Variants in PDSS2 observed in about 807,000 individuals in gnomAD.
PDSS2 encodes decaprenyl diphosphate synthase subunit 2, also known as all trans-polyprenyl-diphosphate synthase PDSS2.
In PDSS2, 31 loss-of-function variants were observed where a neutral mutation model predicts 44.5. The ratio of observed to expected loss-of-function variants is 0.70; its 90% CI spans 0.52 to 0.94. The LOEUF is 0.94. PDSS2 is among the 40% of genes least tolerant of loss of function. The probability of loss-of-function intolerance (pLI) is 0.00; values close to 1 mark genes in which losing one functional copy is unlikely to be tolerated. For missense variants in PDSS2, 452 were observed against 482.2 expected, an observed-to-expected ratio of 0.94 and a Z score of 0.59; for synonymous variants, 157 against 180.3, an observed-to-expected ratio of 0.87 and a Z score of 1.03.
At chr6:107,433,702 T>C (rs1006587134) in intron 1 of PDSS2, among the ~76,000 whole-genome samples, 1 of 152,198 alleles carries the variant, frequency 6.6e-6, no homozygotes. Flanking sequence ...CCAGGACACT[T>C]GCCTGGGCAA....
At chr6:107,241,203 C>T (rs550505615) in intron 4 of PDSS2, among the ~76,000 whole-genome samples, 4 of 142,364 alleles carry the variant, frequency 2.8e-5, no homozygotes, top group Non-Finnish European at 4.5e-5. Context: ...GAGCTGAGAT[C>T]GCGCCACTGC....
chr6:107,407,823 C>G (rs1239021782), intron 1 of PDSS2, among the ~76,000 whole-genome samples: 1 of 149,020 alleles, frequency 6.7e-6, no homozygotes, highest in African/African-American at 2.5e-5. Context: ...CCTCAGCCTC[C>G]CAAGTAGGTG....
chr6:107,221,880 C>T (rs1773620541), intron 4 of PDSS2, among the ~76,000 whole-genome samples: 1 of 152,146 alleles, frequency 6.6e-6, no homozygotes, highest in Non-Finnish European at 1.5e-5. Context: ...CCAGCAAGAA[C>T]CTGCCAAGCC....
chr6:107,260,421 G>C lies in PDSS2; in HGVS notation c.630+13608C>G, dbSNP rs1775174404. On this transcript the variant is annotated intron_variant, in intron 3 of 7. Coordinates refer to ENST00000369037, the MANE Select transcript of PDSS2 (RefSeq NM_020381.4). ...AAACCAAAATTACATTAACATGACTGAGCTATATGTGGCTATCAATGAGGA... is the reference window on the plus strand; with the variant it reads ...AAACCAAAATTACATTAACATGACTCAGCTATATGTGGCTATCAATGAGGA... Among the ~76,000 whole-genome samples the C allele has an allele frequency of 2.0e-5, 3 of 152,148 alleles. No individual in the cohort carries two copies. The South Asian group carries it at 6.2e-4, about 31-fold the overall frequency.
intron 1 of PDSS2, among the ~76,000 whole-genome samples, chr6:107,405,522 C>T (rs73513187): frequency 6.6e-6 from 1 of 151,766 alleles, no homozygotes; most frequent in Non-Finnish European, 1.5e-5. Flanking sequence ...TCAATATTAA[C>T]CTTGAATGTA....
intron 1 of PDSS2, among the ~76,000 whole-genome samples, chr6:107,386,416 AT>A (rs1386693568): frequency 3.3e-5 from 5 of 151,494 alleles, no homozygotes; most frequent in Admixed American, 2.6e-4. Flanking sequence ...ATTGGATCCT[AT>A]ATTTAAGTGT....
chr6:107,266,620 G>T (rs531257945), intron 3 of PDSS2, among the ~76,000 whole-genome samples: 2 of 152,314 alleles, frequency 1.3e-5, no homozygotes, highest in South Asian at 2.1e-4. Flanking sequence ...CCTGTGCAGA[G>T]ACCATGAAGT....
chr6:107,310,450 C>T (rs1487757087), intron 2 of PDSS2, among the ~76,000 whole-genome samples: 2 of 152,100 alleles, frequency 1.3e-5, no homozygotes, highest in Non-Finnish European at 1.5e-5. Context: ...CTGAGGGCAG[C>T]TCTGAGAGAT....
chr6:107,250,782 C>T (rs781094341), intron 3 of PDSS2, among the ~76,000 whole-genome samples: 53 of 152,198 alleles, frequency 3.5e-4, no homozygotes, highest in Non-Finnish European at 6.0e-4. Context: ...TCAACAGAGT[C>T]GTAGATGTTT....
chr6:107,212,886 C>A (rs1300449715), intron 4 of PDSS2, among the ~76,000 whole-genome samples: 1 of 151,704 alleles, frequency 6.6e-6, no homozygotes, highest in Non-Finnish European at 1.5e-5. Flanking sequence ...CCCCTGTAGT[C>A]CTGACTACTC....
chr6:107,203,974 C>T (rs918412344), intron 6 of PDSS2, among the ~76,000 whole-genome samples: 3 of 150,350 alleles, frequency 2.0e-5, no homozygotes, highest in East Asian at 2.0e-4. Flanking sequence ...GACAGAGTCT[C>T]ACTCTGTCCC....
chr6:107,282,637 G>A (rs1266666773), intron 2 of PDSS2, among the ~76,000 whole-genome samples: 4 of 151,712 alleles, frequency 2.6e-5, no homozygotes, highest in African/African-American at 4.8e-5. Flanking sequence ...AGGCCGAGGC[G>A]GGTGGATCAC....
At chr6:107,196,421 G>T (rs1772564851) in intron 6 of PDSS2, among the ~76,000 whole-genome samples, 1 of 152,202 alleles carries the variant, frequency 6.6e-6, no homozygotes, top group Non-Finnish European at 1.5e-5. Context: ...TAGTCTTTCA[G>T]TTCTCAAACT....
At chr6:107,201,949 T>C (rs1223422361) in intron 6 of PDSS2, among the ~76,000 whole-genome samples, 1 of 152,196 alleles carries the variant, frequency 6.6e-6, no homozygotes, top group Admixed American at 6.5e-5. Context: ...GACCATTTAT[T>C]ATTTGAGAGT....
chr6:107,327,520 C>T (rs1387433639), intron 2 of PDSS2, among the ~76,000 whole-genome samples: 5 of 152,240 alleles, frequency 3.3e-5, no homozygotes, highest in African/African-American at 4.8e-5. Flanking sequence ...TGCAGTGGCA[C>T]GAACCTGGCT....
intron 1 of PDSS2, among the ~76,000 whole-genome samples, chr6:107,353,026 C>A (rs1428460114): frequency 1.3e-5 from 2 of 152,156 alleles, no homozygotes; most frequent in African/African-American, 4.8e-5. Context: ...GCTCAATATG[C>A]ACTAGTTATT....
intron 2 of PDSS2, among the ~76,000 whole-genome samples, chr6:107,282,862 C>T (rs1349732464): frequency 6.9e-6 from 1 of 145,230 alleles, no homozygotes; most frequent in Non-Finnish European, 1.5e-5. Context: ...GAACAAGACT[C>T]CGTCTCAAAA....
intron 2 of PDSS2, among the ~76,000 whole-genome samples, chr6:107,317,320 AG>A: frequency 6.6e-6 from 1 of 152,212 alleles, no homozygotes; most frequent in Non-Finnish European, 1.5e-5. Flanking sequence ...AAGCACAACC[AG>A]ATGTGGAGGA....
intron 3 of PDSS2, among the ~76,000 whole-genome samples, chr6:107,260,189 G>A (rs1389645653): frequency 6.6e-6 from 1 of 152,178 alleles, no homozygotes; most frequent in Non-Finnish European, 1.5e-5. Context: ...GACCTGTTGG[G>A]CTAATGGCCT....
Sources: gnomAD v4.1 joint callset for allele counts (sites outside exome capture counted in the v4.1 genomes callset) on GRCh38, gnomAD v4.1.1 for gene constraint, MANE v1.5 for transcripts, NCBI Gene and HGNC (gene_info 2026-07-23, HGNC 2026-07-21) for gene names.